TRAF3IP1: variants seen among roughly 807,000 people sequenced by gnomAD.
The protein encoded by TRAF3IP1 is TRAF3-interacting protein 1.
Under a neutral mutation model 89.9 loss-of-function variants are expected in TRAF3IP1, and 53 were observed. That is an observed-to-expected ratio of 0.59 (90% CI 0.47 to 0.74). The LOEUF is 0.74. Among genes scored for constraint, TRAF3IP1 ranks in the 30% least tolerant of loss-of-function variants. The pLI is 0.00. For synonymous variants in TRAF3IP1, 311 were observed against 322.1 expected (o/e 0.97, Z 0.37); for missense variants, 806 against 866.1 (o/e 0.93, Z 0.87).
intron 15 of TRAF3IP1, among the ~76,000 whole-genome samples, chr2:238,381,983 T>A (rs1185715088): frequency 2.0e-5 from 3 of 152,022 alleles, no homozygotes; most frequent in African/African-American, 7.3e-5. Context: ...AGCACACGGA[T>A]GTGATCAGAG....
intron 8 of TRAF3IP1, among the ~76,000 whole-genome samples, chr2:238,341,396 C>T (rs192469873): frequency 1.3e-4 from 20 of 152,088 alleles, no homozygotes; most frequent in Admixed American, 1.2e-3. Flanking sequence ...CTAAATACTT[C>T]GACATGCAGC....
intron 15 of TRAF3IP1, among the ~76,000 whole-genome samples, chr2:238,359,953 A>T (rs1268966388): frequency 6.6e-6 from 1 of 152,212 alleles, no homozygotes; most frequent in African/African-American, 2.4e-5. Context: ...CCTTGTACTT[A>T]GGGGCCATTG....
chr2:238,347,842 G>A (rs1429176651), intron 10 of TRAF3IP1, among the ~76,000 whole-genome samples: 1 of 152,032 alleles, frequency 6.6e-6, no homozygotes, highest in East Asian at 1.9e-4. Context: ...GGTCAAGCTG[G>A]TCTCGAACTC....
Position 238,354,425 on chromosome 2 carries a change from T to A in TRAF3IP1, c.1612+1216T>A, listed in dbSNP as rs1012978536. Among the ~76,000 whole-genome samples the A allele has an allele frequency of 5.3e-5, 8 of 152,298 alleles. No individual in the cohort carries two copies. The East Asian group carries it at 1.5e-3, about 29-fold the overall frequency. ...CTGACTTAGTGATGATATTTCCAATTCCGATTTAGGATTGTAGGGTTTTGC... is the reference window on the plus strand; with the variant it reads ...CTGACTTAGTGATGATATTTCCAATACCGATTTAGGATTGTAGGGTTTTGC... On this transcript the variant is annotated intron_variant, in intron 14 of 16. Transcript: ENST00000373327.
chr2:238,347,573 T>C (rs1698952438), intron 10 of TRAF3IP1, 98 bp downstream of exon 10: 1 of 1,200,712 alleles, frequency 8.3e-7, no homozygotes, highest in South Asian at 1.3e-5. Context: ...TAAAGTGCAT[T>C]AGTGAAAGTA....
chr2:238,387,291 G>T (rs890763266), intron 15 of TRAF3IP1, among the ~76,000 whole-genome samples: 1 of 152,206 alleles, frequency 6.6e-6, no homozygotes, highest in Admixed American at 6.5e-5. Context: ...CGTCTAATGA[G>T]CAGCGGTCTG....
rs1701402032 is a variant in TRAF3IP1, at chr2:238,400,095, TTC to T, written c.*1178_*1179del. On this transcript the variant is annotated 3_prime_UTR_variant, in exon 17 of 17. Coordinates refer to ENST00000373327, the MANE Select transcript of TRAF3IP1 (RefSeq NM_015650.4). ...GATTGCCTGAAAAGGTTTTGTTTCT[TTC>T]TTTTTTTTTTTTTTTTGAGATGGAG... 6.6e-6 allele frequency: 1 copy of T among 151,416 alleles called. No individual in the cohort carries two copies. Among genetic ancestry groups the T allele is most frequent in the Non-Finnish European group, 1.5e-5 (1 of 67,916 alleles). The allele number at this position is 151,416 out of a possible 1,614,324, so 9.4% of individuals were successfully genotyped here.
intron 15 of TRAF3IP1, among the ~76,000 whole-genome samples, chr2:238,393,278 C>T (rs1240708632): frequency 2.6e-5 from 4 of 152,264 alleles, no homozygotes; most frequent in African/African-American, 7.2e-5. Context: ...TTCGCATTTC[C>T]CTAATGCCTA....
chr2:238,388,094 T>C (rs1477861628), intron 15 of TRAF3IP1, among the ~76,000 whole-genome samples: 1 of 151,006 alleles, frequency 6.6e-6, no homozygotes, highest in African/African-American at 2.4e-5. Flanking sequence ...AAAAAATTAG[T>C]CGGGTCCGGT....
chr2:238,369,610 A>G (rs1700022187), intron 15 of TRAF3IP1, among the ~76,000 whole-genome samples: 2 of 151,240 alleles, frequency 1.3e-5, no homozygotes, highest in African/African-American at 4.9e-5. Flanking sequence ...GAAACCTTCC[A>G]GAAACGAGGC....
intron 14 of TRAF3IP1, among the ~76,000 whole-genome samples, chr2:238,353,900 A>G (rs1236221913): frequency 3.9e-5 from 6 of 152,196 alleles, no homozygotes; most frequent in East Asian, 1.9e-4. Flanking sequence ...CAGCCTCACA[A>G]GTAGCTGGGA....
At chr2:238,325,218 A>T in intron 1 of TRAF3IP1, 88 bp from the exon 2 acceptor site, 1 of 1,267,664 alleles carries the variant, frequency 7.9e-7, no homozygotes, top group Non-Finnish European at 1.2e-6. Flanking sequence ...GTCAATTCTG[A>T]CATCTCCCAA....
At chr2:238,333,370 A>G (rs1035521722) in intron 6 of TRAF3IP1, among the ~76,000 whole-genome samples, 3 of 151,904 alleles carry the variant, frequency 2.0e-5, no homozygotes, top group African/African-American at 7.3e-5. Flanking sequence ...TGGAGGTTAC[A>G]CTCATCCCAA....
At position 238,398,894 on chromosome 2, in the gene TRAF3IP1, G is replaced by T. The variant is rs1272552244; in HGVS notation, c.2051G>T (p.Ser684Ile). The T allele has an allele frequency of 1.1e-5, 18 of 1,608,578 alleles. No individual in the cohort carries two copies. Among genetic ancestry groups the T allele is most frequent in the East Asian group, 2.2e-5 (1 of 44,862 alleles). The change falls in exon 17 of 17, where the codon AGT (serine) becomes ATT (isoleucine). Residue 684 changes from serine to isoleucine, a missense_variant. This residue lies in a region of TRAF3IP1 where 70 missense variants were observed against 67.8 expected (regional missense o/e 1.03). Transcript: ENST00000373327. ...GAAAAAATCCAGAAAATGGTATATA[G>T]TATCAATTTGACTTCGAGAAGGTGA... Reference protein sequence around the residue: ...NEEKIQKMVYSINLTSRR With the variant: ...NEEKIQKMVYIINLTSRR
intron 15 of TRAF3IP1, among the ~76,000 whole-genome samples, chr2:238,356,512 G>A (rs1009599966): frequency 6.6e-6 from 1 of 151,920 alleles, no homozygotes. Context: ...GAAAAAAAAA[G>A]CCATTCCTCC....
intron 15 of TRAF3IP1, among the ~76,000 whole-genome samples, chr2:238,395,966 T>C (rs1417550454): frequency 2.0e-5 from 3 of 152,174 alleles, no homozygotes; most frequent in African/African-American, 7.2e-5. Flanking sequence ...GGGAAGTCAG[T>C]GTGGCGATTC....
chr2:238,367,612 G>C (rs560814889), intron 15 of TRAF3IP1, among the ~76,000 whole-genome samples: 1 of 152,316 alleles, frequency 6.6e-6, no homozygotes, highest in East Asian at 1.9e-4. Context: ...GAGACTGTGG[G>C]ACACGGGAGA....
intron 14 of TRAF3IP1, among the ~76,000 whole-genome samples, chr2:238,354,767 C>T (rs1373697047): frequency 6.6e-6 from 1 of 152,132 alleles, no homozygotes; most frequent in Non-Finnish European, 1.5e-5. Flanking sequence ...TCTCCTGCCT[C>T]AGCCTCCTGA....
intron 15 of TRAF3IP1, among the ~76,000 whole-genome samples, chr2:238,396,172 A>G (rs1260745296): frequency 6.6e-6 from 1 of 152,176 alleles, no homozygotes; most frequent in Admixed American, 6.5e-5. Flanking sequence ...AATGTGGCAT[A>G]TATACACCAT....
Sources: allele counts gnomAD v4.1 joint callset (sites outside exome capture counted in the v4.1 genomes callset), GRCh38; gene constraint gnomAD v4.1.1; regional missense constraint gnomAD v4.1.1; transcripts MANE v1.5; gene names NCBI Gene and HGNC (gene_info 2026-07-23, HGNC 2026-07-21).